The following ASIC2 variants were observed in gnomAD, a reference collection of about 807,000 sequenced individuals.
ASIC2 encodes the protein acid-sensing ion channel 2.
In ASIC2, 25 loss-of-function variants were observed where a neutral mutation model predicts 57.3. The observed-to-expected ratio is 0.44, with a 90% CI of 0.32 to 0.61. The LOEUF (loss-of-function observed/expected upper bound fraction) is 0.61. ASIC2 is among the 20% of genes least tolerant of loss of function. The pLI is 0.06. For synonymous variants in ASIC2, 319 were observed against 307.5 expected (o/e 1.04, Z -0.39); for missense variants, 641 against 738.1 (o/e 0.87, Z 1.52).
intron 1 of ASIC2, among the ~76,000 whole-genome samples, chr17:33,494,940 C>G (rs905067249): frequency 1.3e-5 from 2 of 152,204 alleles, no homozygotes; most frequent in African/African-American, 4.8e-5. Flanking sequence ...GCTCCAGGGT[C>G]TCTCTCTATA....
chr17:33,475,353 T>C (rs2141922545), intron 1 of ASIC2, among the ~76,000 whole-genome samples: 1 of 152,336 alleles, frequency 6.6e-6, no homozygotes, highest in South Asian at 2.1e-4. Flanking sequence ...GTTGTACTTC[T>C]ACTCCTCCTT....
At chr17:33,905,621 G>A (rs188616710) in intron 1 of ASIC2, among the ~76,000 whole-genome samples, 64 of 152,304 alleles carry the variant, frequency 4.2e-4, no homozygotes, top group South Asian at 3.3e-3. Context: ...GTTTGAACCT[G>A]TAGATAGAGA....
At chr17:33,096,217 T>C (rs1181856460) in intron 2 of ASIC2, among the ~76,000 whole-genome samples, 1 of 152,188 alleles carries the variant, frequency 6.6e-6, no homozygotes, top group Non-Finnish European at 1.5e-5. Flanking sequence ...TTGGAGTTCA[T>C]AGAAGCAGAA....
Position 33,973,445 on chromosome 17 carries a change from T to C in ASIC2, c.555+182533A>G, listed in dbSNP as rs1905278959. ...CCTGGCAGAATGGCCAAACCATGCT[T>C]CCTCCTGTAGCAATAGGCCCAGACT... On this transcript the variant is annotated intron_variant, in intron 1 of 9. Coordinates refer to the ASIC2 transcript ENST00000359872. Among the ~76,000 whole-genome samples the C allele has an allele frequency of 3.3e-5, 5 of 152,182 alleles. No homozygotes were observed. The South Asian group carries it at 1.0e-3, about 32-fold the overall frequency.
intron 3 of ASIC2, among the ~76,000 whole-genome samples, chr17:33,047,210 G>A (rs2091959054): frequency 6.6e-6 from 1 of 152,182 alleles, no homozygotes; most frequent in Non-Finnish European, 1.5e-5. Flanking sequence ...CAAACTTTAT[G>A]TTCTTGACCC....
At chr17:33,971,349 A>T (rs1905224394) in intron 1 of ASIC2, among the ~76,000 whole-genome samples, 1 of 152,198 alleles carries the variant, frequency 6.6e-6, no homozygotes, top group Admixed American at 6.5e-5. Flanking sequence ...AACCTTCAGA[A>T]GGCTTGAGAG....
chr17:33,550,203 A>G (rs1405386514), intron 1 of ASIC2, among the ~76,000 whole-genome samples: 1 of 152,228 alleles, frequency 6.6e-6, no homozygotes, highest in African/African-American at 2.4e-5. Flanking sequence ...TACTCTGTGA[A>G]TATATTGTAG....
intron 1 of ASIC2, among the ~76,000 whole-genome samples, chr17:33,949,910 G>A (rs1410419206): frequency 6.6e-6 from 1 of 152,228 alleles, no homozygotes; most frequent in Non-Finnish European, 1.5e-5. Context: ...TGAAAACTCA[G>A]AGAGCCTAGA....
intron 1 of ASIC2, among the ~76,000 whole-genome samples, chr17:33,384,202 C>T (rs1001495567): frequency 6.6e-6 from 1 of 152,192 alleles, no homozygotes; most frequent in Non-Finnish European, 1.5e-5. Flanking sequence ...GAATGTTACC[C>T]TGTAGAATAG....
At chr17:33,354,079 T>C (rs1379664629) in intron 1 of ASIC2, among the ~76,000 whole-genome samples, 1 of 152,148 alleles carries the variant, frequency 6.6e-6, no homozygotes, top group Admixed American at 6.5e-5. Flanking sequence ...CTCATCTTTA[T>C]AAAACCTTCA....
At chr17:33,649,651 AC>A (rs1245281365) in intron 1 of ASIC2, among the ~76,000 whole-genome samples, 2 of 152,244 alleles carry the variant, frequency 1.3e-5, no homozygotes, top group Non-Finnish European at 2.9e-5. Flanking sequence ...ATTAATCAAA[AC>A]TGTGCAGTAT....
intron 1 of ASIC2, among the ~76,000 whole-genome samples, chr17:33,458,786 A>C (rs1261193256): frequency 6.6e-6 from 1 of 152,252 alleles, no homozygotes; most frequent in Non-Finnish European, 1.5e-5. Flanking sequence ...GATCTCTTCC[A>C]GTCTAAAATG....
intron 1 of ASIC2, among the ~76,000 whole-genome samples, chr17:33,912,825 C>A (rs1915497444): frequency 6.6e-6 from 1 of 151,928 alleles, no homozygotes; most frequent in South Asian, 2.1e-4. Flanking sequence ...ACTAAAAATG[C>A]AAAATTAGCG....
intron 1 of ASIC2, among the ~76,000 whole-genome samples, chr17:33,868,585 A>C (rs1914307560): frequency 6.6e-6 from 1 of 152,182 alleles, no homozygotes. Flanking sequence ...ACAAGGAACA[A>C]AAGAAAAAAT....
intron 1 of ASIC2, among the ~76,000 whole-genome samples, chr17:33,435,026 A>C (rs1483693618): frequency 6.6e-6 from 1 of 152,204 alleles, no homozygotes; most frequent in African/African-American, 2.4e-5. Flanking sequence ...CTTATCTCCT[A>C]AGTACTCAAG....
Position 33,921,232 on chromosome 17 carries a change from G to A in ASIC2, c.555+234746C>T, listed in dbSNP as rs571642354. Reference sequence around the variant, plus strand: ...TTACTAGCTGTATGACTTGGGGCATGTTTCTTAACTTCTCTTAGCCTCACC... The same window carrying A: ...TTACTAGCTGTATGACTTGGGGCATATTTCTTAACTTCTCTTAGCCTCACC... On this transcript the variant is annotated intron_variant, in intron 1 of 9. Transcript: ENST00000359872. Among the ~76,000 whole-genome samples the A allele has an allele frequency of 1.1e-4, 16 of 152,264 alleles. 1 individual carries two copies. The highest frequency in any genetic ancestry group is 3.6e-4 in the African/African-American group (15 of 41,552).
At chr17:33,107,298 C>T (rs2092238880) in intron 2 of ASIC2, among the ~76,000 whole-genome samples, 1 of 152,190 alleles carries the variant, frequency 6.6e-6, no homozygotes, top group Admixed American at 6.5e-5. Context: ...TTTCTGTGGT[C>T]AAAGGCATTT....
intron 1 of ASIC2, among the ~76,000 whole-genome samples, chr17:33,868,196 T>TGA (rs1914296356): frequency 1.9e-5 from 1 of 53,228 alleles, no homozygotes; most frequent in African/African-American, 4.1e-5. Flanking sequence ...TGTGTGTGTA[T>TGA]GTGTGTGTGT....
At chr17:33,370,335 G>T (rs762782181) in intron 1 of ASIC2, among the ~76,000 whole-genome samples, 1 of 152,188 alleles carries the variant, frequency 6.6e-6, no homozygotes, top group Non-Finnish European at 1.5e-5. Flanking sequence ...GGGCAACCTC[G>T]CAGTACTGGG....
Sources: allele counts gnomAD v4.1 joint callset (sites outside exome capture counted in the v4.1 genomes callset), GRCh38; gene constraint gnomAD v4.1.1; transcripts MANE v1.5; gene names NCBI Gene and HGNC (gene_info 2026-07-23, HGNC 2026-07-21).